Variants in ZRANB3 observed in about 807,000 individuals in gnomAD.
ZRANB3 encodes the protein DNA annealing helicase and endonuclease ZRANB3.
In ZRANB3, 125 loss-of-function variants were observed where a neutral mutation model predicts 133.8. That is an observed-to-expected ratio of 0.93 (90% CI 0.81 to 1.08). The LOEUF (loss-of-function observed/expected upper bound fraction) is 1.08. Among genes scored for constraint, ZRANB3 ranks in the 50% least tolerant of loss-of-function variants. The probability of loss-of-function intolerance (pLI) is 0.00; values close to 1 mark genes in which losing one functional copy is unlikely to be tolerated. For synonymous variants in ZRANB3, 387 were observed against 432.7 expected (o/e 0.89, Z 1.31); for missense variants, 1,229 against 1,275.5 (o/e 0.96, Z 0.56).
intron 1 of ZRANB3, among the ~76,000 whole-genome samples, chr2:135,510,018 A>G (rs892723450): frequency 3.9e-5 from 6 of 152,206 alleles, no homozygotes; most frequent in Non-Finnish European, 5.9e-5. Context: ...CGAGAATCAA[A>G]ATTGTCAAAT....
rs1007293309 is a variant in ZRANB3 at position 135,362,571 on chromosome 2, T to C, written c.181-8943A>G. Among the ~76,000 whole-genome samples, 3 of 152,216 alleles carry C rather than the reference T, an allele frequency of 2.0e-5. No homozygotes were observed. In the East Asian group the frequency reaches 5.8e-4, roughly 29 times the overall value. On this transcript the variant is annotated intron_variant, in intron 3 of 20. Transcript: ENST00000264159. ...TGTAGTCCAAAGCATGGCTTAGAGATGCCCATATTGGGACTAGAAAAAGAA... is the reference window on the plus strand; with the variant it reads ...TGTAGTCCAAAGCATGGCTTAGAGACGCCCATATTGGGACTAGAAAAAGAA...
At position 135,396,746 on chromosome 2, in the gene ZRANB3, A is replaced by G. The variant is rs142123156; in HGVS notation, c.162-5926T>C. ...TAGAATGAATAATATCTAGTATTCAATAGCACAACGGGGTGACTATAGTCA... is the reference window on the plus strand; with the variant it reads ...TAGAATGAATAATATCTAGTATTCAGTAGCACAACGGGGTGACTATAGTCA... On this transcript the variant is annotated intron_variant, in intron 2 of 20. Coordinates refer to ENST00000264159, the MANE Select transcript of ZRANB3 (RefSeq NM_032143.4). 1.4e-4 allele frequency among the ~76,000 whole-genome samples: 22 copies of G among 152,300 alleles called. No individual in the cohort carries two copies. The East Asian group carries it at 3.9e-3, about 27-fold the overall frequency.
chr2:135,483,465 C>A (rs557579946), intron 2 of ZRANB3, among the ~76,000 whole-genome samples: 1 of 151,986 alleles, frequency 6.6e-6, no homozygotes, highest in Non-Finnish European at 1.5e-5. Context: ...GTGGTGATAT[C>A]CCCTTTATCA....
chr2:135,279,915 T>G (rs1445046678), intron 8 of ZRANB3, among the ~76,000 whole-genome samples: 1 of 152,232 alleles, frequency 6.6e-6, no homozygotes, highest in Non-Finnish European at 1.5e-5. Flanking sequence ...AATGAACTTT[T>G]GGGATTCTCT....
chr2:135,515,153 A>G (rs1470328741), intron 1 of ZRANB3, among the ~76,000 whole-genome samples: 5 of 152,130 alleles, frequency 3.3e-5, no homozygotes, highest in African/African-American at 4.8e-5. Context: ...AGCCTCATAA[A>G]ATGAGTTAGG....
At chr2:135,453,344 AT>A (rs1690357604) in intron 2 of ZRANB3, among the ~76,000 whole-genome samples, 1 of 152,180 alleles carries the variant, frequency 6.6e-6, no homozygotes, top group Non-Finnish European at 1.5e-5. Flanking sequence ...GGTCTTTTGG[AT>A]TAACATTAGG....
chr2:135,297,730 T>G (rs1371057804), intron 8 of ZRANB3, among the ~76,000 whole-genome samples: 1 of 152,238 alleles, frequency 6.6e-6, no homozygotes, highest in Non-Finnish European at 1.5e-5. Flanking sequence ...TCTTTTTTCT[T>G]TGTCTTTGTC....
At chr2:135,460,364 C>T (rs770602907) in intron 2 of ZRANB3, among the ~76,000 whole-genome samples, 1 of 151,682 alleles carries the variant, frequency 6.6e-6, no homozygotes, top group African/African-American at 2.4e-5. Flanking sequence ...TGGGTTCAAG[C>T]GATTCTCCTG....
Position 135,217,550 on chromosome 2 carries a change from T to C in ZRANB3, c.2410A>G (p.Arg804Gly). 1 of 1,613,852 alleles carries C rather than the reference T, an allele frequency of 6.2e-7. No individual in the cohort carries two copies. The highest frequency in any genetic ancestry group is 8.5e-7 in the Non-Finnish European group (1 of 1,179,842). ...CTACAGAATAGCTGTCCACTTTTCC[T>C]GATTATCCTTTGCTTCATGGCAGTT... ...SLTAMKQRII[R>G]KSGQLFCSPI... The change falls in exon 17 of 21, where the codon AGG becomes GGG. Residue 804 changes from arginine to glycine, a missense_variant. By Grantham distance (125) the Arg-to-Gly change is moderately radical. Coordinates refer to ENST00000264159, the MANE Select transcript of ZRANB3 (RefSeq NM_032143.4).
chr2:135,327,936 T>C (rs1683918620), intron 6 of ZRANB3, among the ~76,000 whole-genome samples: 1 of 152,182 alleles, frequency 6.6e-6, no homozygotes, highest in African/African-American at 2.4e-5. Flanking sequence ...GTGTACAATA[T>C]GATCTTATTT....
chr2:135,528,056 A>G (rs1306765343), intron 1 of ZRANB3, among the ~76,000 whole-genome samples: 2 of 152,154 alleles, frequency 1.3e-5, no homozygotes, highest in Non-Finnish European at 2.9e-5. Context: ...CAAGATGAAT[A>G]GTGGTTAAGA....
At chr2:135,217,139 A>C (rs1334699838) in intron 17 of ZRANB3, among the ~76,000 whole-genome samples, 1 of 152,186 alleles carries the variant, frequency 6.6e-6, no homozygotes, top group Non-Finnish European at 1.5e-5. Context: ...TGATGTTCTA[A>C]GAGTAAAATG....
At chr2:135,379,371 C>T (rs1686582580) in intron 3 of ZRANB3, among the ~76,000 whole-genome samples, 1 of 152,156 alleles carries the variant, frequency 6.6e-6, no homozygotes, top group Non-Finnish European at 1.5e-5. Context: ...CCAAATTCTT[C>T]TGTCCTCAAG....
chr2:135,376,905 T>C (rs1251044945), intron 3 of ZRANB3, among the ~76,000 whole-genome samples: 2 of 152,224 alleles, frequency 1.3e-5, no homozygotes, highest in Non-Finnish European at 2.9e-5. Flanking sequence ...AGAATGTATA[T>C]GTATTACAAA....
At chr2:135,381,088 T>A (rs1686669817) in intron 3 of ZRANB3, among the ~76,000 whole-genome samples, 1 of 152,126 alleles carries the variant, frequency 6.6e-6, no homozygotes, top group African/African-American at 2.4e-5. Context: ...GATCAGGGAA[T>A]TCCCTTTCCT....
chr2:135,229,820 C>T (rs930119581), intron 13 of ZRANB3, among the ~76,000 whole-genome samples: 7 of 151,980 alleles, frequency 4.6e-5, no homozygotes, highest in Non-Finnish European at 7.4e-5. Context: ...AACAAGAATA[C>T]GCATGATCTT....
At chr2:135,333,146 T>C (rs1447795872) in intron 6 of ZRANB3, among the ~76,000 whole-genome samples, 1 of 152,206 alleles carries the variant, frequency 6.6e-6, no homozygotes, top group Non-Finnish European at 1.5e-5. Flanking sequence ...TCTCATTTGG[T>C]AAAATTTCAA....
intron 1 of ZRANB3, chr2:135,510,442 A>G (rs1323550061): frequency 1.3e-5 from 6 of 461,736 alleles, no homozygotes; most frequent in Non-Finnish European, 2.4e-5. Flanking sequence ...TAAGCAGTTT[A>G]TAACAAACTG....
chr2:135,213,135 T>G (rs1370662186), intron 17 of ZRANB3, among the ~76,000 whole-genome samples: 1 of 151,576 alleles, frequency 6.6e-6, no homozygotes, highest in East Asian at 1.9e-4. Context: ...TTCAGAACCA[T>G]TCAGTACTTT....
Sources: gnomAD v4.1 joint callset for allele counts (sites outside exome capture counted in the v4.1 genomes callset) on GRCh38, gnomAD v4.1.1 for gene constraint, MANE v1.5 for transcripts, NCBI Gene and HGNC (gene_info 2026-07-23, HGNC 2026-07-21) for gene names.